The following COL1A1 variants were observed in gnomAD, a reference collection of about 807,000 sequenced individuals.
COL1A1 encodes collagen type I alpha 1 chain.
A neutral mutation model predicts 195.7 loss-of-function variants in COL1A1; 21 were observed. The observed-to-expected ratio is 0.11, with a 90% CI of 0.08 to 0.15. The LOEUF is 0.15. COL1A1 is among the 10% of genes least tolerant of loss of function. The probability of loss-of-function intolerance (pLI) is 1.00; values close to 1 mark genes in which losing one functional copy is unlikely to be tolerated. For synonymous variants in COL1A1, 749 were observed against 747.3 expected, an observed-to-expected ratio of 1.00 and a Z score of -0.04; for missense variants, 1,365 against 2,051.0, an observed-to-expected ratio of 0.67 and a Z score of 6.46.
Position 50,199,774 on chromosome 17 carries a change from G to T in COL1A1, c.277C>A (p.Pro93Thr), listed in dbSNP as rs886042456. ...GAEVPEGECC[P>T]VCPDGSESPT... ...GCACCTGAGCCGTCGGGGCAGACGGGACAGCACTCGCCCTCGGGGACTTCG... is the reference window on the plus strand; with the variant it reads ...GCACCTGAGCCGTCGGGGCAGACGGTACAGCACTCGCCCTCGGGGACTTCG... The change falls in exon 2 of 51, where the codon CCC becomes ACC. Residue 93 changes from proline (P) to threonine (T), a missense_variant. Coordinates refer to ENST00000225964, the MANE Select transcript of COL1A1 (RefSeq NM_000088.4). 6.2e-7 allele frequency: 1 copy of T among 1,613,038 alleles called. No individual in the cohort carries two copies. Among genetic ancestry groups the T allele is most frequent in the African/African-American group, 1.3e-5 (1 of 74,868 alleles).
chr17:50,192,507 G>A lies in COL1A1; in HGVS notation c.1951C>T (p.Pro651Ser), dbSNP rs774045142. 4 of 1,613,944 alleles carry A rather than the reference G, an allele frequency of 2.5e-6. No individual in the cohort carries two copies. In the East Asian group the frequency reaches 8.9e-5, roughly 36 times the overall value. ...GFQGLPGPAG[P>S]PGEAGKPGEQ... Reference sequence around the variant, plus strand: ...CCAGGTTTGCCTGCTTCACCTGGAGGACCAGCAGGACCAGGGAGACCCTGT... The same window carrying A: ...CCAGGTTTGCCTGCTTCACCTGGAGAACCAGCAGGACCAGGGAGACCCTGT... The change falls in exon 29 of 51, where the codon CCT (proline) becomes TCT (serine). Residue 651 changes from proline (P) to serine (S), a missense_variant. Physicochemically the swap from Pro to Ser is moderately conservative, Grantham distance 74 (BLOSUM62 -1). This residue lies in a region of COL1A1 where 671 missense variants were observed against 1,099.9 expected (regional missense o/e 0.61). Coordinates refer to ENST00000225964, the MANE Select transcript of COL1A1 (RefSeq NM_000088.4).
At position 50,196,502 on chromosome 17, in the gene COL1A1, A is replaced by C; in HGVS notation, c.885T>G (p.Asn295Lys). The C allele has an allele frequency of 6.2e-7, 1 of 1,614,106 alleles. No homozygotes were observed. The highest frequency in any genetic ancestry group is 8.5e-7 in the Non-Finnish European group (1 of 1,180,014). ...PKGEPGSPGE[N>K]GAPGQMGPRG... The stretch of plus-strand genomic sequence containing the variant: ...CACTCACCATCTGACCAGGAGCTCC[A>C]TTTTCACCAGGGCTGCCAGGCTCAC... Residue 295 changes from asparagine to lysine, a missense_variant, in exon 13 of 51, where the codon AAT becomes AAG. Asn to Lys is a moderately conservative substitution (Grantham distance 94). This residue lies in a region of COL1A1 where 226 missense variants were observed against 372.9 expected (regional missense o/e 0.61). Coordinates refer to ENST00000225964, the MANE Select transcript of COL1A1 (RefSeq NM_000088.4).
chr17:50,185,486 T>G lies in COL1A1; in HGVS notation c.*16A>C, dbSNP rs202170631. 1.9e-6 allele frequency: 3 copies of G among 1,613,232 alleles called. No homozygotes were observed. The African/African-American group carries it at 4.0e-5, about 22-fold the overall frequency. On this transcript the variant is annotated 3_prime_UTR_variant, in exon 51 of 51. Transcript: ENST00000225964. ...GTTGGTTGGGTGGGAGGGAGCCAGGTTGGGATGGAGGGAGTTTACAGGAAG... is the reference window on the plus strand; with the variant it reads ...GTTGGTTGGGTGGGAGGGAGCCAGGGTGGGATGGAGGGAGTTTACAGGAAG...
Position 50,189,032 on chromosome 17 carries a change from G to T in COL1A1, c.2938-22C>A. On this transcript the variant is annotated intron_variant, in intron 40 of 50. Transcript: ENST00000225964. The surrounding 1 kb of genome is among the most constrained non-coding windows in gnomAD (Gnocchi z 5.5). ...CACCCTAAGGGAGAAGAAAGAGTCAGGCCAGAGATAGGGTCTGGGAGGACC... is the reference window on the plus strand; with the variant it reads ...CACCCTAAGGGAGAAGAAAGAGTCATGCCAGAGATAGGGTCTGGGAGGACC... The T allele has an allele frequency of 6.2e-7, 1 of 1,603,660 alleles. No homozygotes were observed. The highest frequency in any genetic ancestry group is 8.5e-7 in the Non-Finnish European group (1 of 1,170,740).
Position 50,195,865 on chromosome 17 carries a change from G to A in COL1A1, c.1056+58C>T, listed in dbSNP as rs1907535520. 6.5e-7 allele frequency: 1 copy of A among 1,541,702 alleles called. No homozygotes were observed. Among genetic ancestry groups the A allele is most frequent in the East Asian group, 2.4e-5 (1 of 41,198 alleles). On this transcript the variant is annotated intron_variant, in intron 16 of 50. Coordinates refer to ENST00000225964, the MANE Select transcript of COL1A1 (RefSeq NM_000088.4). The surrounding 1 kb of genome is among the most constrained non-coding windows in gnomAD (Gnocchi z 4.3). ...GGGTCCCTTTGGTTTGGGGAACAGG[G>A]AGACATGAACCCCTTGGCCCATGAG...
chr17:50,194,877 G>T lies in COL1A1; in HGVS notation c.1354-49C>A. The T allele has an allele frequency of 6.4e-7, 1 of 1,558,698 alleles. No individual in the cohort carries two copies. The highest frequency in any genetic ancestry group is 2.3e-5 in the East Asian group (1 of 43,662). Reference sequence around the variant, plus strand: ...GCGGCCTGTGGTGAGGGGCCATCCTGTGCCAGCCTCAGAGCCGGCTGAGGC... The same window carrying T: ...GCGGCCTGTGGTGAGGGGCCATCCTTTGCCAGCCTCAGAGCCGGCTGAGGC... On this transcript the variant is annotated intron_variant, in intron 20 of 50. Transcript: ENST00000225964. The surrounding 1 kb of genome is among the most constrained non-coding windows in gnomAD (Gnocchi z 6.8).
Position 50,188,221 on chromosome 17 carries a change from C to A in COL1A1, c.3208-72G>T, listed in dbSNP as rs1474246334. The A allele has an allele frequency of 7.4e-7, 1 of 1,358,418 alleles. No homozygotes were observed. Among genetic ancestry groups the A allele is most frequent in the Non-Finnish European group, 1.0e-6 (1 of 999,058 alleles). 84.1% of individuals were successfully genotyped at this position (1,358,418 alleles called of 1,614,324 possible). ...GGCTGGGGCTGCAGGATGAGGCCTC[C>A]CCTCTGCTGGATCTCTCTCTCCTCA... On this transcript the variant is annotated intron_variant, in intron 43 of 50. Transcript: ENST00000225964. This position sits in a 1 kb window ranked among gnomAD's most constrained non-coding sequence, Gnocchi z 5.6.
chr17:50,185,261 T>TTA lies in COL1A1; in HGVS notation c.*240_*241insTA. The TTA allele has an allele frequency of 3.6e-6, 1 of 274,818 alleles. No individual in the cohort carries two copies. Among genetic ancestry groups the TTA allele is most frequent in the South Asian group, 1.3e-4 (1 of 7,488 alleles). 17.0% of individuals were successfully genotyped at this position (274,818 alleles called of 1,614,324 possible). A position where few individuals can be genotyped will look rare whatever the true frequency, so the allele number is the denominator to read the frequency against. On this transcript the variant is annotated 3_prime_UTR_variant, in exon 51 of 51. Coordinates refer to ENST00000225964, the MANE Select transcript of COL1A1 (RefSeq NM_000088.4). Reference sequence around the variant, plus strand: ...TTAAAAAGTTATTTATTTATTCTTTTTTTTTTTTTTTTTTTGGTAAGGTTG... The same window carrying TTA: ...TTAAAAAGTTATTTATTTATTCTTTTTATTTTTTTTTTTTTTTGGTAAGGTTG...
At chr17:50,196,134 A>G (rs1907564567) in intron 15 of COL1A1, 21 bp downstream of exon 15, 1 of 1,613,580 alleles carries the variant, frequency 6.2e-7, no homozygotes, top group Non-Finnish European at 8.5e-7. Flanking sequence ...CCAGGCCCTG[A>G]GGCCTACAGG....
At position 50,199,270 on chromosome 17, in the gene COL1A1, G is replaced by A. The variant is rs570526849; in HGVS notation, c.427C>T (p.Pro143Ser). The A allele has an allele frequency of 6.6e-6, 10 of 1,510,154 alleles. No homozygotes were observed. The highest frequency in any genetic ancestry group is 2.5e-5 in the East Asian group (1 of 40,488). 93.5% of individuals were successfully genotyped at this position (1,510,154 alleles called of 1,614,324 possible). A position where few individuals can be genotyped will look rare whatever the true frequency, so the allele number is the denominator to read the frequency against. ...CCGGGAGGTCCGGGGGGTCCGGGGGGTCCGGGAAGTCCAGGCTGTCCAGGG... is the reference window on the plus strand; with the variant it reads ...CCGGGAGGTCCGGGGGGTCCGGGGGATCCGGGAAGTCCAGGCTGTCCAGGG... ...GIPGQPGLPGPPGPPGPPGPP... is the reference protein window; with the variant it reads ...GIPGQPGLPGSPGPPGPPGPP... The change falls in exon 5 of 51, where the codon CCC becomes TCC. Residue 143 changes from proline to serine, a missense_variant. Around this residue, in one of 5 missense-constraint regions of COL1A1, gnomAD observed 194 missense variants for 221.7 expected, o/e 0.88. Transcript: ENST00000225964.
intron 29 of COL1A1, 42 bp from the exon 30 acceptor site, chr17:50,192,066 A>G: frequency 6.3e-7 from 1 of 1,595,140 alleles, no homozygotes; most frequent in South Asian, 1.1e-5. Flanking sequence ...AGCAAAACCC[A>G]CCTGGGGCCA....
chr17:50,190,239 G>T lies in COL1A1; in HGVS notation c.2451+88C>A. On this transcript the variant is annotated intron_variant, in intron 35 of 50. Transcript: ENST00000225964. The surrounding 1 kb of genome is among the most constrained non-coding windows in gnomAD (Gnocchi z 4.7). The stretch of plus-strand genomic sequence containing the variant: ...TCCCGTCTCCACCCTTCTCCCCTGA[G>T]GATGGCTGACGCCTTTGTCCTCATT... 1 of 1,282,660 alleles carries T rather than the reference G, an allele frequency of 7.8e-7. No individual in the cohort carries two copies. The highest frequency in any genetic ancestry group is 1.1e-6 in the Non-Finnish European group (1 of 877,990). 79.5% of individuals were successfully genotyped at this position (1,282,660 alleles called of 1,614,324 possible). A position where few individuals can be genotyped will look rare whatever the true frequency, so the allele number is the denominator to read the frequency against.
chr17:50,189,792 T>A lies in COL1A1; in HGVS notation c.2614-60A>T. ...GAACAGCCAACTCATCCGACCCAGC[T>A]GCCCTCACCTGCCACCGCTGCCTGG... On this transcript the variant is annotated intron_variant, in intron 37 of 50. Coordinates refer to ENST00000225964, the MANE Select transcript of COL1A1 (RefSeq NM_000088.4). This position sits in a 1 kb window ranked among gnomAD's most constrained non-coding sequence, Gnocchi z 5.5. 1 of 1,611,662 alleles carries A rather than the reference T, an allele frequency of 6.2e-7. No individual in the cohort carries two copies. The highest frequency in any genetic ancestry group is 1.1e-5 in the South Asian group (1 of 90,854).
chr17:50,189,075 C>A lies in COL1A1; in HGVS notation c.2938-65G>T, dbSNP rs180689720. 8.8e-5 allele frequency: 139 copies of A among 1,571,722 alleles called. No homozygotes were observed. In the Admixed American group the frequency reaches 2.3e-3, roughly 26 times the overall value. On this transcript the variant is annotated intron_variant, in intron 40 of 50. Transcript: ENST00000225964. This position sits in a 1 kb window ranked among gnomAD's most constrained non-coding sequence, Gnocchi z 5.5. ...GGAGGACCCTTGAGTCCGCTGGAGT[C>A]ATCTCTACCAAATCTGTTCTCCTTG...
Position 50,195,242 on chromosome 17 carries a change from T to A in COL1A1, c.1289A>T (p.Lys430Met), listed in dbSNP as rs1907476262. ...PQGPGGPPGP[K>M]GNSGEPGAPG... is the part of the protein sequence containing the mutation. Reference sequence around the variant, plus strand: ...GAGTTTGGTACTCACGCTGTTACCCTTGGGACCAGGAGGGCCGCCGGGGCC... The same window carrying A: ...GAGTTTGGTACTCACGCTGTTACCCATGGGACCAGGAGGGCCGCCGGGGCC... The change falls in exon 19 of 51, where the codon AAG (lysine) becomes ATG (methionine). Residue 430 changes from lysine (K) to methionine (M), a missense_variant. Physicochemically the swap from Lys to Met is moderately conservative, Grantham distance 95. Transcript: ENST00000225964. The surrounding 1 kb of genome is among the most constrained non-coding windows in gnomAD (Gnocchi z 4.3). 8 of 1,612,796 alleles carry A rather than the reference T, an allele frequency of 5.0e-6. No homozygotes were observed. The East Asian group carries it at 1.8e-4, about 36-fold the overall frequency.
rs1906463638 is a variant in COL1A1, at chr17:50,185,862, C to A, written c.4164G>T (p.Leu1388=). The A allele has an allele frequency of 6.2e-7, 1 of 1,614,134 alleles. No individual in the cohort carries two copies. The highest frequency in any genetic ancestry group is 1.1e-5 in the South Asian group (1 of 91,078). ...DQQTGNLKKA[L]LLQGSNEIEI... is the part of the protein sequence containing the mutation. ...CGATCTCGTTGGAGCCCTGGAGGAG[C>A]AGGGCCTTCTTGAGGTTGCCAGTCT... is the stretch of plus-strand genomic sequence containing the variant. Residue 1388 remains leucine (L), a synonymous_variant, in exon 50 of 51, where the codon CTG becomes CTT. Transcript: ENST00000225964.
chr17:50,196,103 T>C lies in COL1A1; in HGVS notation c.1002+52A>G, dbSNP rs2141279. The C allele has an allele frequency of 0.84, 1,359,767 of 1,612,242 alleles. 574,960 individuals are homozygous for C. Among genetic ancestry groups the C allele is most frequent in the African/African-American group, 0.94 (70,823 of 74,974 alleles). On this transcript the variant is annotated intron_variant, in intron 15 of 50. Coordinates refer to ENST00000225964, the MANE Select transcript of COL1A1 (RefSeq NM_000088.4). ...TCCCATTGTCAGCCCCAAGAGCAGATACTGAGACCCCTCCCCACTCCCAGG... is the reference window on the plus strand; with the variant it reads ...TCCCATTGTCAGCCCCAAGAGCAGACACTGAGACCCCTCCCCACTCCCAGG...
Position 50,199,887 on chromosome 17 carries a change from G to T in COL1A1, c.164C>A (p.Pro55His), listed in dbSNP as rs771489142. 8 of 1,614,110 alleles carry T rather than the reference G, an allele frequency of 5.0e-6. No individual in the cohort carries two copies. Among genetic ancestry groups the T allele is most frequent in the Non-Finnish European group, 6.8e-6 (8 of 1,180,046 alleles). ...LRYHDRDVWK[P>H]EPCRICVCDN... is the part of the protein sequence containing the mutation. The stretch of plus-strand genomic sequence containing the variant: ...GCAGACGCAGATCCGGCAGGGCTCG[G>T]GTTTCCACACGTCTCGGTCATGGTA... Residue 55 changes from proline (P) to histidine (H), a missense_variant, in exon 2 of 51, where the codon CCC becomes CAC. By Grantham distance (77) the Pro-to-His change is moderately conservative (BLOSUM62 -2). Coordinates refer to ENST00000225964, the MANE Select transcript of COL1A1 (RefSeq NM_000088.4).
In COL1A1 at chr17:50,186,908, A is replaced by G. The variant is rs1403898020; in HGVS notation, c.3546T>C (p.Pro1182=). 2.5e-6 allele frequency: 4 copies of G among 1,613,576 alleles called. No homozygotes were observed. The highest frequency in any genetic ancestry group is 3.4e-6 in the Non-Finnish European group (4 of 1,179,876). The change falls in exon 48 of 51, where the codon CCT becomes CCC. Residue 1182 remains proline (P), a synonymous_variant. Transcript: ENST00000225964. The surrounding 1 kb of genome is among the most constrained non-coding windows in gnomAD (Gnocchi z 5.3). ...GACCAGGGGGACCAGGAGGTCCAGG[A>G]GGGCCGGGGGGACCCTGCACAGAGA... ...GDAGPVGPPG[P]PGPPGPPGPP...
Sources: allele counts gnomAD v4.1 joint callset, GRCh38; gene constraint gnomAD v4.1.1; regional missense constraint gnomAD v4.1.1; non-coding constraint Gnocchi (gnomAD v3.1); transcripts MANE v1.5; gene names NCBI Gene and HGNC (gene_info 2026-07-23, HGNC 2026-07-21).